NCK2: variants seen among roughly 807,000 people sequenced by gnomAD.
NCK2 encodes the protein NCK adaptor protein 2.
A neutral mutation model predicts 33.9 loss-of-function variants in NCK2; 16 were observed. The observed-to-expected ratio is 0.47, with a 90% CI of 0.32 to 0.72. NCK2 has a LOEUF of 0.72. Among genes scored for constraint, NCK2 ranks in the 30% least tolerant of loss-of-function variants. NCK2 has a pLI of 0.03. For missense variants in NCK2, 418 were observed against 537.3 expected (o/e 0.78, Z 2.19); for synonymous variants, 273 against 239.9 (o/e 1.14, Z -1.27).
At chr2:105,808,837 G>A (rs1675185830) in intron 1 of NCK2, among the ~76,000 whole-genome samples, 1 of 152,206 alleles carries the variant, frequency 6.6e-6, no homozygotes. Context: ...TGTGGGGTGT[G>A]ATACTGAAGT....
intron 1 of NCK2, among the ~76,000 whole-genome samples, chr2:105,805,922 G>C (rs1028879161): frequency 2.0e-5 from 3 of 152,110 alleles, no homozygotes; most frequent in African/African-American, 7.2e-5. Context: ...GAGAGGTTTT[G>C]GGGATGGAGC....
chr2:105,772,529 C>G (rs1159334481), intron 1 of NCK2, among the ~76,000 whole-genome samples: 2 of 152,110 alleles, frequency 1.3e-5, no homozygotes, highest in African/African-American at 4.8e-5. Context: ...GTCCTCCTCC[C>G]TCCGCAGCAC....
At chr2:105,869,704 C>T (rs1172610501) in intron 3 of NCK2, among the ~76,000 whole-genome samples, 1 of 152,168 alleles carries the variant, frequency 6.6e-6, no homozygotes, top group African/African-American at 2.4e-5. Context: ...CTCCAGAATG[C>T]CGTGTCTCAT....
chr2:105,786,685 T>A (rs1395055220), intron 1 of NCK2, among the ~76,000 whole-genome samples: 1 of 152,152 alleles, frequency 6.6e-6, no homozygotes, highest in African/African-American at 2.4e-5. Flanking sequence ...CTCTCCTGGG[T>A]CCCCGGGCAG....
chr2:105,769,084 C>G (rs944213627), intron 1 of NCK2, among the ~76,000 whole-genome samples: 20 of 152,220 alleles, frequency 1.3e-4, no homozygotes, highest in Non-Finnish European at 1.5e-5. Context: ...CACCCCCCAA[C>G]CCCACTGGTC....
At chr2:105,878,749 A>T (rs953628913) in intron 3 of NCK2, among the ~76,000 whole-genome samples, 9 of 152,268 alleles carry the variant, frequency 5.9e-5, no homozygotes, top group African/African-American at 2.2e-4. Flanking sequence ...GCTCTCTGTC[A>T]GTCTGCACTG....
At chr2:105,766,050 C>T (rs1330769734) in intron 1 of NCK2, among the ~76,000 whole-genome samples, 1 of 152,140 alleles carries the variant, frequency 6.6e-6, no homozygotes, top group Non-Finnish European at 1.5e-5. Flanking sequence ...TCCTGCCAAG[C>T]AGGACTCCCT....
At chr2:105,823,398 A>G (rs10192144) in intron 2 of NCK2, among the ~76,000 whole-genome samples, 49,247 of 151,686 alleles carry the variant, frequency 0.32, 8,684 homozygotes, top group South Asian at 0.4. Flanking sequence ...CCCGTGCTGC[A>G]GGTGCCTCAC....
chr2:105,885,418 A>G (rs1166892465), intron 4 of NCK2, among the ~76,000 whole-genome samples: 1 of 152,238 alleles, frequency 6.6e-6, no homozygotes, highest in African/African-American at 2.4e-5. Flanking sequence ...ATAAAATAGA[A>G]TAGCTCCTTT....
At position 105,802,214 on chromosome 2, in the gene NCK2, G is replaced by A. The variant is rs530491274; in HGVS notation, c.-200-14216G>A. Among the ~76,000 whole-genome samples, 85 of 152,276 alleles carry A rather than the reference G, an allele frequency of 5.6e-4. 2 individuals are homozygous for A. The South Asian group carries it at 9.3e-3, about 17-fold the overall frequency. On this transcript the variant is annotated intron_variant, in intron 1 of 4. Transcript: ENST00000233154. The stretch of plus-strand genomic sequence containing the variant: ...GGAAACTGATGTGATGAAGTGGAAC[G>A]GGAAGATGTGCACACACCCTCTACC...
chr2:105,889,205 A>G (rs1678857318), intron 4 of NCK2, among the ~76,000 whole-genome samples: 1 of 152,190 alleles, frequency 6.6e-6, no homozygotes, highest in South Asian at 2.1e-4. Context: ...TGAAAGGAGG[A>G]GACCATACAG....
At chr2:105,828,438 A>G (rs992288453) in intron 2 of NCK2, among the ~76,000 whole-genome samples, 1 of 152,202 alleles carries the variant, frequency 6.6e-6, no homozygotes, top group East Asian at 1.9e-4. Flanking sequence ...CCACAAGAAT[A>G]CTACAATTAA....
chr2:105,854,161 C>T (rs1677171811), intron 2 of NCK2: 1 of 152,204 alleles, frequency 6.6e-6, no homozygotes, highest in African/African-American at 2.4e-5. Context: ...TAAGGTTCCG[C>T]TATGTCTTTT....
chr2:105,749,763 C>T (rs1431403083), intron 1 of NCK2, among the ~76,000 whole-genome samples: 28 of 151,978 alleles, frequency 1.8e-4, no homozygotes, highest in Admixed American at 1.7e-3. Context: ...TCTCTCTTGT[C>T]CCCACATCCT....
intron 4 of NCK2, among the ~76,000 whole-genome samples, chr2:105,883,950 G>GCAC (rs1337515844): frequency 6.6e-6 from 1 of 152,218 alleles, no homozygotes; most frequent in African/African-American, 2.4e-5. Context: ...ACACATAGCA[G>GCAC]CACCGTCTTT....
intron 2 of NCK2, among the ~76,000 whole-genome samples, chr2:105,825,067 G>A (rs763551203): frequency 2.0e-5 from 3 of 152,194 alleles, no homozygotes; most frequent in African/African-American, 4.8e-5. Flanking sequence ...GCTTGGGGAC[G>A]GAGTGGAGGT....
At chr2:105,860,854 C>T (rs1266653161) in intron 3 of NCK2, among the ~76,000 whole-genome samples, 1 of 148,308 alleles carries the variant, frequency 6.7e-6, no homozygotes, top group East Asian at 2.0e-4. Flanking sequence ...CTTGCGACTG[C>T]AACTTGTGGG....
intron 3 of NCK2, among the ~76,000 whole-genome samples, chr2:105,860,529 G>A (rs562143481): frequency 3.9e-5 from 6 of 152,216 alleles, no homozygotes; most frequent in Admixed American, 6.5e-5. Context: ...AGTTCACAGC[G>A]GGGCATGGAG....
Position 105,893,223 on chromosome 2 carries a change from G to C in NCK2, c.*47G>C. On this transcript the variant is annotated 3_prime_UTR_variant, in exon 5 of 5. Coordinates refer to ENST00000233154, the MANE Select transcript of NCK2 (RefSeq NM_003581.5). ...GCCTCCCGGGCCCCACGGTGGAGCTGCCCGCCCGGCCTTGTGGCAGAGGCT... is the reference window on the plus strand; with the variant it reads ...GCCTCCCGGGCCCCACGGTGGAGCTCCCCGCCCGGCCTTGTGGCAGAGGCT... 1.3e-6 allele frequency: 2 copies of C among 1,508,470 alleles called. No individual in the cohort carries two copies. The highest frequency in any genetic ancestry group is 1.8e-6 in the Non-Finnish European group (2 of 1,123,040). The allele number at this position is 1,508,470 out of a possible 1,614,324, so 93.4% of individuals were successfully genotyped here.
Sources: allele counts gnomAD v4.1 joint callset (sites outside exome capture counted in the v4.1 genomes callset), GRCh38; gene constraint gnomAD v4.1.1; transcripts MANE v1.5; gene names NCBI Gene and HGNC (gene_info 2026-07-23, HGNC 2026-07-21).